The following LMAN1 variants were observed in gnomAD, a reference collection of about 807,000 sequenced individuals.
LMAN1 encodes the protein protein ERGIC-53.
Under a neutral mutation model 67.8 loss-of-function variants are expected in LMAN1, and 32 were observed. That is an observed-to-expected ratio of 0.47 (90% CI 0.36 to 0.63). The LOEUF (loss-of-function observed/expected upper bound fraction) is 0.63. Among genes scored for constraint, LMAN1 ranks in the 30% least tolerant of loss-of-function variants. The probability of loss-of-function intolerance (pLI) is 0.00; values close to 1 mark genes in which losing one functional copy is unlikely to be tolerated. For missense variants in LMAN1, 632 were observed against 628.2 expected, an observed-to-expected ratio of 1.01 and a Z score of -0.06; for synonymous variants, 235 against 219.3, an observed-to-expected ratio of 1.07 and a Z score of -0.63.
At chr18:59,356,614 G>A (rs1035284452) in intron 1 of LMAN1, among the ~76,000 whole-genome samples, 6 of 152,194 alleles carry the variant, frequency 3.9e-5, no homozygotes, top group Non-Finnish European at 8.8e-5. Context: ...AAGGAAAGCT[G>A]AGATACTTTA....
chr18:59,355,975 G>A (rs1001545842), intron 1 of LMAN1, among the ~76,000 whole-genome samples: 1 of 152,100 alleles, frequency 6.6e-6, no homozygotes, highest in Non-Finnish European at 1.5e-5. Flanking sequence ...TGTATTTTTA[G>A]AAAAGCTGCA....
chr18:59,339,662 T>A (rs1320024998), intron 8 of LMAN1, among the ~76,000 whole-genome samples: 1 of 152,186 alleles, frequency 6.6e-6, no homozygotes, highest in East Asian at 1.9e-4. Flanking sequence ...GCCTAGATAC[T>A]GGGGATCTAC....
intron 8 of LMAN1, among the ~76,000 whole-genome samples, chr18:59,339,266 C>T (rs141104845): frequency 8.8e-4 from 134 of 152,220 alleles, no homozygotes; most frequent in African/African-American, 3.1e-3. Context: ...ACCTCCTCCA[C>T]GGAGAAAAAC....
intron 5 of LMAN1, chr18:59,352,955 C>A: frequency 2.4e-6 from 1 of 424,122 alleles, no homozygotes; most frequent in African/African-American, 2.0e-5. Context: ...ATATATATAT[C>A]TCTCACATGT....
rs779404363 is a variant in LMAN1 at position 59,333,431 on chromosome 18, C to T, written c.1221-187G>A. The T allele has an allele frequency of 1.3e-5, 7 of 555,158 alleles. No individual in the cohort carries two copies. The South Asian group carries it at 1.4e-4, about 11-fold the overall frequency. The allele number at this position is 555,158 out of a possible 1,614,324, so 34.4% of individuals were successfully genotyped here. On this transcript the variant is annotated intron_variant, in intron 10 of 12. Transcript: ENST00000251047. Reference sequence around the variant, plus strand: ...AAATAATTTATAAAACGACATTATGCCTTTATATTTTACTAAAGGTCATCT... The same window carrying T: ...AAATAATTTATAAAACGACATTATGTCTTTATATTTTACTAAAGGTCATCT...
At chr18:59,339,085 C>T (rs1396105352) in intron 8 of LMAN1, 132 bp from the exon 9 acceptor site, 6 of 696,912 alleles carry the variant, frequency 8.6e-6, no homozygotes, top group East Asian at 5.4e-5. Context: ...ATCTCCCAAA[C>T]AGAAAATATG....
At chr18:59,351,061 C>G (rs967860587) in intron 5 of LMAN1, among the ~76,000 whole-genome samples, 1 of 152,162 alleles carries the variant, frequency 6.6e-6, no homozygotes. Flanking sequence ...TTGTTTTTCC[C>G]TCCAATGTGG....
chr18:59,355,452 C>T, intron 2 of LMAN1, 32 bp from the exon 3 acceptor site: 1 of 1,613,848 alleles, frequency 6.2e-7, no homozygotes, highest in Non-Finnish European at 8.5e-7. Context: ...CAGTTAGAGG[C>T]TAGTGGTATA....
At position 59,347,685 on chromosome 18, in the gene LMAN1, T is replaced by C. The variant is rs1486989026; in HGVS notation, c.764-114A>G. 17 of 793,554 alleles carry C rather than the reference T, an allele frequency of 2.1e-5. 1 individual carries two copies. Among genetic ancestry groups the C allele is most frequent in the Middle Eastern group, 3.6e-4 (1 of 2,742 alleles). The allele number at this position is 793,554 out of a possible 1,614,324, so 49.2% of individuals were successfully genotyped here. ...TAAATAACAATAACCAGTGAGGGAA[T>C]TGACAAAAATTAGCACTAATTTGGT... On this transcript the variant is annotated intron_variant, in intron 6 of 12. Coordinates refer to ENST00000251047, the MANE Select transcript of LMAN1 (RefSeq NM_005570.4).
chr18:59,353,665 C>G (rs1333392915), intron 4 of LMAN1, among the ~76,000 whole-genome samples: 1 of 152,154 alleles, frequency 6.6e-6, no homozygotes, highest in Non-Finnish European at 1.5e-5. Flanking sequence ...AGTCACCTTT[C>G]TTACAGTTCA....
intron 8 of LMAN1, among the ~76,000 whole-genome samples, chr18:59,345,628 T>C: frequency 6.6e-6 from 1 of 152,204 alleles, no homozygotes; most frequent in East Asian, 1.9e-4. Context: ...CAGCAATGAA[T>C]ATTAACAAAA....
chr18:59,332,879 TA>T (rs1234736168), intron 11 of LMAN1, among the ~76,000 whole-genome samples: 1 of 152,130 alleles, frequency 6.6e-6, no homozygotes, highest in Non-Finnish European at 1.5e-5. Context: ...TATTACATAT[TA>T]AAAAACCATG....
At chr18:59,343,651 C>A (rs1022489746) in intron 8 of LMAN1, among the ~76,000 whole-genome samples, 4 of 152,016 alleles carry the variant, frequency 2.6e-5, no homozygotes, top group African/African-American at 9.7e-5. Context: ...AAAATTAACT[C>A]AAGATGGATT....
intron 1 of LMAN1, 104 bp downstream of exon 1, chr18:59,358,927 G>A (rs1908728146): frequency 6.8e-6 from 8 of 1,173,990 alleles, no homozygotes; most frequent in Non-Finnish European, 1.0e-5. Context: ...GTGTGCAGCT[G>A]CTGGAACGGG....
At chr18:59,355,252 C>A in intron 3 of LMAN1, 61 bp downstream of exon 3, 2 of 1,261,806 alleles carry the variant, frequency 1.6e-6, no homozygotes, top group Non-Finnish European at 1.1e-6. Context: ...TATTATTTCT[C>A]ACAGCCTAAC....
intron 1 of LMAN1, 25 bp downstream of exon 1, chr18:59,359,006 C>T: frequency 6.2e-7 from 1 of 1,606,614 alleles, no homozygotes; most frequent in Non-Finnish European, 8.5e-7. Flanking sequence ...AGGAACCCGG[C>T]CCCCAGCCCT....
At chr18:59,354,288 T>C (rs572553752) in intron 4 of LMAN1, among the ~76,000 whole-genome samples, 1 of 152,274 alleles carries the variant, frequency 6.6e-6, no homozygotes, top group Non-Finnish European at 1.5e-5. Context: ...ATTAAATAAT[T>C]TGAGGTTAAA....
intron 11 of LMAN1, 59 bp from the exon 12 acceptor site, chr18:59,331,598 T>G (rs1603393657): frequency 2.6e-6 from 4 of 1,561,602 alleles, no homozygotes; most frequent in East Asian, 2.2e-5. Context: ...GAAAAAGAAA[T>G]AAATGTGAAA....
intron 11 of LMAN1, among the ~76,000 whole-genome samples, chr18:59,332,770 G>A (rs576127085): frequency 4.6e-5 from 7 of 152,052 alleles, no homozygotes; most frequent in Non-Finnish European, 7.4e-5. Context: ...GAACCTTGAC[G>A]GAAAAATAGG....
Sources: gnomAD v4.1 joint callset for allele counts (sites outside exome capture counted in the v4.1 genomes callset) on GRCh38, gnomAD v4.1.1 for gene constraint, MANE v1.5 for transcripts, NCBI Gene and HGNC (gene_info 2026-07-23, HGNC 2026-07-21) for gene names.